Variants in LMOD1 observed in about 807,000 individuals in gnomAD.
LMOD1 encodes the protein leiomodin-1.
In LMOD1, 8 loss-of-function variants were observed where a neutral mutation model predicts 36.5. The ratio of observed to expected loss-of-function variants is 0.22; its 90% CI spans 0.13 to 0.40. The LOEUF (loss-of-function observed/expected upper bound fraction) is 0.40. Among genes scored for constraint, LMOD1 ranks in the 10% least tolerant of loss-of-function variants. The pLI is 1.00. For synonymous variants in LMOD1, 284 were observed against 288.7 expected (o/e 0.98, Z 0.17); for missense variants, 630 against 751.1 (o/e 0.84, Z 1.88).
intron 1 of LMOD1, among the ~76,000 whole-genome samples, chr1:201,936,544 C>A (rs1260867561): frequency 6.6e-6 from 1 of 152,124 alleles, no homozygotes; most frequent in Admixed American, 6.6e-5. Context: ...GACATGCTAA[C>A]CCTGCCCCCA....
rs759104821 is a variant in LMOD1, at chr1:201,899,921, G to A, written c.1092C>T (p.Phe364=). 13 of 1,613,936 alleles carry A rather than the reference G, an allele frequency of 8.1e-6. No homozygotes were observed. The highest frequency in any genetic ancestry group is 1.3e-5 in the African/African-American group (1 of 75,056). Residue 364 remains phenylalanine, a synonymous_variant, in exon 2 of 3, where the codon TTC becomes TTT. Coordinates refer to ENST00000367288, the MANE Select transcript of LMOD1 (RefSeq NM_012134.3). The surrounding 1 kb of genome is among the most constrained non-coding windows in gnomAD (Gnocchi z 6.3). ...CATCGGCTCGCGTGTTGGCCAAGGC[G>A]AACAGCTTAACCACAGTGTTGAACT... The part of the protein sequence containing the change: ...ALEFNTVVKL[F]ALANTRADDH...
At chr1:201,915,801 G>T (rs987302447) in intron 1 of LMOD1, among the ~76,000 whole-genome samples, 3 of 152,080 alleles carry the variant, frequency 2.0e-5, no homozygotes, top group Non-Finnish European at 4.4e-5. Context: ...CACCTCTCAT[G>T]GGGTTATAGC....
chr1:201,938,375 C>T (rs1285709384), intron 1 of LMOD1, among the ~76,000 whole-genome samples: 2 of 152,120 alleles, frequency 1.3e-5, no homozygotes, highest in East Asian at 1.9e-4. Context: ...GTGATCTGCC[C>T]GCCTCGGCCT....
At chr1:201,944,033 G>C (rs963204659) in intron 1 of LMOD1, among the ~76,000 whole-genome samples, 15 of 152,142 alleles carry the variant, frequency 9.9e-5, no homozygotes, top group African/African-American at 3.6e-4. Flanking sequence ...CATGCACCCC[G>C]AACTCCAGCC....
intron 1 of LMOD1, among the ~76,000 whole-genome samples, chr1:201,901,596 GT>G (rs1681318166): frequency 1.6e-5 from 1 of 62,900 alleles, no homozygotes; most frequent in Non-Finnish European, 2.7e-5. Context: ...ATATATATAT[GT>G]ATATATATAT....
At chr1:201,932,468 T>C (rs1276604300) in intron 1 of LMOD1, among the ~76,000 whole-genome samples, 2 of 151,894 alleles carry the variant, frequency 1.3e-5, no homozygotes, top group African/African-American at 4.8e-5. Flanking sequence ...TTAGAAACGA[T>C]GGGCCGGGAG....
At chr1:201,940,406 C>T (rs1364989916) in intron 1 of LMOD1, among the ~76,000 whole-genome samples, 2 of 151,058 alleles carry the variant, frequency 1.3e-5, no homozygotes, top group South Asian at 2.1e-4. Context: ...AGGCTGGTCT[C>T]GATCTCTTGA....
At chr1:201,924,055 G>A (rs1348339879) in intron 1 of LMOD1, among the ~76,000 whole-genome samples, 2 of 151,884 alleles carry the variant, frequency 1.3e-5, no homozygotes, top group East Asian at 3.9e-4. Context: ...AGTGGCTCAC[G>A]CCTGTAATCC....
chr1:201,919,818 A>T (rs112032332), intron 1 of LMOD1, among the ~76,000 whole-genome samples: 3 of 151,852 alleles, frequency 2.0e-5, no homozygotes, highest in African/African-American at 2.4e-5. Context: ...ACCAGGGCAG[A>T]CTCCAGGGCA....
At chr1:201,909,455 A>G (rs776916638) in intron 1 of LMOD1, among the ~76,000 whole-genome samples, 3 of 152,080 alleles carry the variant, frequency 2.0e-5, no homozygotes, top group Non-Finnish European at 4.4e-5. Flanking sequence ...CTTATGTTGC[A>G]GGCTGGTCTC....
At chr1:201,927,482 C>T (rs1481374943) in intron 1 of LMOD1, among the ~76,000 whole-genome samples, 1 of 151,736 alleles carries the variant, frequency 6.6e-6, no homozygotes, top group Admixed American at 6.6e-5. Context: ...AGGAGAATCG[C>T]TTGAACCCAG....
At chr1:201,925,008 A>G (rs1681803903) in intron 1 of LMOD1, among the ~76,000 whole-genome samples, 1 of 152,202 alleles carries the variant, frequency 6.6e-6, no homozygotes, top group African/African-American at 2.4e-5. Flanking sequence ...TGAGGTCAGG[A>G]GTTCAAGGCC....
At chr1:201,914,031 C>T (rs763946561) in intron 1 of LMOD1, among the ~76,000 whole-genome samples, 7 of 151,990 alleles carry the variant, frequency 4.6e-5, no homozygotes, top group East Asian at 1.9e-4. Context: ...AAAGTGGAAC[C>T]GCTGGCCATG....
rs779137475 is a variant in LMOD1 at position 201,900,665 on chromosome 1, T to C, written c.348A>G (p.Arg116=). The change falls in exon 2 of 3, where the codon AGA becomes AGG. Residue 116 remains arginine, a synonymous_variant. Transcript: ENST00000367288. ...GCTCCTTCCCCAGATCTGAGTCCCG[T>C]CTGGGGCCCAGGGCTTTTTTGCTGG... ...RDASKKALGP[R]RDSDLGKEPK... is the part of the protein sequence containing the mutation. 5 of 1,613,936 alleles carry C rather than the reference T, an allele frequency of 3.1e-6. No individual in the cohort carries two copies. In the South Asian group the frequency reaches 3.3e-5, roughly 11 times the overall value.
At chr1:201,929,682 A>G (rs913300585) in intron 1 of LMOD1, among the ~76,000 whole-genome samples, 4 of 152,394 alleles carry the variant, frequency 2.6e-5, no homozygotes, top group African/African-American at 9.6e-5. Context: ...AGATTCAATC[A>G]AGTATGATAG....
At chr1:201,941,102 G>C (rs1467449609) in intron 1 of LMOD1, among the ~76,000 whole-genome samples, 1 of 151,240 alleles carries the variant, frequency 6.6e-6, no homozygotes, top group Non-Finnish European at 1.5e-5. Flanking sequence ...GGCCAGGCTG[G>C]TAAAATTCTT....
intron 1 of LMOD1, among the ~76,000 whole-genome samples, chr1:201,916,475 A>G (rs1487343892): frequency 6.6e-6 from 1 of 152,064 alleles, no homozygotes; most frequent in Non-Finnish European, 1.5e-5. Context: ...TGATCATGCC[A>G]CTGCACTCCA....
chr1:201,937,052 A>G (rs1682031631), intron 1 of LMOD1, among the ~76,000 whole-genome samples: 1 of 152,086 alleles, frequency 6.6e-6, no homozygotes, highest in Non-Finnish European at 1.5e-5. Context: ...AACTGACATT[A>G]CTCTTTTTTA....
rs192339537 is a variant in LMOD1 at position 201,907,925 on chromosome 1, G to A, written c.262-7174C>T. The stretch of plus-strand genomic sequence containing the variant: ...CCCTCACAACTTAGGGGACGTGGCC[G>A]ACCAGGGGACAAGTTCACATCAAAG... On this transcript the variant is annotated intron_variant, in intron 1 of 2. Coordinates refer to ENST00000367288, the MANE Select transcript of LMOD1 (RefSeq NM_012134.3). 5.3e-4 allele frequency among the ~76,000 whole-genome samples: 81 copies of A among 152,292 alleles called. 1 individual carries two copies. The highest frequency in any genetic ancestry group is 4.3e-3 in the Admixed American group (66 of 15,300).
Sources: gnomAD v4.1 joint callset for allele counts (sites outside exome capture counted in the v4.1 genomes callset) on GRCh38, gnomAD v4.1.1 for gene constraint, Gnocchi (gnomAD v3.1) non-coding constraint, MANE v1.5 for transcripts, NCBI Gene and HGNC (gene_info 2026-07-23, HGNC 2026-07-21) for gene names.